The following ARAP2 variants were observed in gnomAD, a reference collection of about 807,000 sequenced individuals.
The protein encoded by ARAP2 is arf-GAP with Rho-GAP domain, ANK repeat and PH domain-containing protein 2.
ARAP2 carries 148 observed loss-of-function variants against 194.5 expected under a neutral mutation model. The ratio of observed to expected loss-of-function variants is 0.76; its 90% CI spans 0.67 to 0.87. ARAP2 has a LOEUF of 0.87. Among genes scored for constraint, ARAP2 ranks in the 40% least tolerant of loss-of-function variants. The pLI is 0.00. For missense variants in ARAP2, 2,128 were observed against 1,989.7 expected (o/e 1.07, Z -1.32); for synonymous variants, 695 against 683.5 (o/e 1.02, Z -0.26).
At chr4:36,242,807 A>G (rs1753779085) in intron 1 of ARAP2, among the ~76,000 whole-genome samples, 1 of 152,160 alleles carries the variant, frequency 6.6e-6, no homozygotes, top group Non-Finnish European at 1.5e-5. Flanking sequence ...CACCCATATA[A>G]ATACGTTTTA....
At chr4:36,063,559 C>T (rs113467021), downstream of ARAP2, among the ~76,000 whole-genome samples, 10 of 152,138 alleles carry the variant, frequency 6.6e-5, no homozygotes, top group Non-Finnish European at 1.3e-4. Flanking sequence ...CAAATTTCTG[C>T]GGTTGTGGCG....
intron 6 of ARAP2, among the ~76,000 whole-genome samples, chr4:36,198,769 C>A (rs1430629700): frequency 6.6e-6 from 1 of 152,192 alleles, no homozygotes; most frequent in Non-Finnish European, 1.5e-5. Flanking sequence ...CATCTTTGAG[C>A]TTTCGTAGGT....
downstream of ARAP2, chr4:36,065,354 G>A (rs942549533): frequency 2.3e-5 from 12 of 520,814 alleles, no homozygotes; most frequent in Admixed American, 2.4e-4. Context: ...TCTCAAAGTA[G>A]GCCAGGCCCT....
Position 36,187,447 on chromosome 4 carries a change from T to C in ARAP2, c.1678+4A>G. 1 of 1,385,512 alleles carries C rather than the reference T, an allele frequency of 7.2e-7. No individual in the cohort carries two copies. The highest frequency in any genetic ancestry group is 9.8e-7 in the Non-Finnish European group (1 of 1,023,350). The allele number at this position is 1,385,512 out of a possible 1,614,324, so 85.8% of individuals were successfully genotyped here. On this transcript the variant is annotated splice_donor_region_variant and intron_variant, in intron 8 of 32. Coordinates refer to ENST00000303965, the MANE Select transcript of ARAP2 (RefSeq NM_015230.4). The stretch of plus-strand genomic sequence containing the variant: ...ATTTCATATGGATAAATAAATAATC[T>C]CACCTTCTTTTTCTACTCTAAAAAC...
intron 5 of ARAP2, among the ~76,000 whole-genome samples, chr4:36,042,270 A>G (rs1483824170): frequency 6.6e-6 from 1 of 152,220 alleles, no homozygotes; most frequent in Admixed American, 6.5e-5. Context: ...TTTCACATGC[A>G]CATTAATTAT....
intron 28 of ARAP2, among the ~76,000 whole-genome samples, chr4:36,088,521 A>T (rs532673477): frequency 6.6e-6 from 1 of 152,124 alleles, no homozygotes; most frequent in Admixed American, 6.6e-5. Context: ...ACCCACACAG[A>T]CTCCCTTCTG....
At chr4:36,092,182 C>G (rs569277661) in intron 27 of ARAP2, among the ~76,000 whole-genome samples, 162 bp from the exon 28 acceptor site, 5 of 152,152 alleles carry the variant, frequency 3.3e-5, no homozygotes, top group Admixed American at 6.6e-5. Flanking sequence ...TGAAGTATAG[C>G]TATTTATCAT....
Position 36,217,084 on chromosome 4 carries a change from CAG to C in ARAP2, c.906-2606_906-2605del, listed in dbSNP as rs761762489. On this transcript the variant is annotated intron_variant, in intron 2 of 32. Transcript: ENST00000303965. The stretch of plus-strand genomic sequence containing the variant: ...GAAACTAAGAAACTCTTAGAAGTAA[CAG>C]AACTGCTCTGTTTATTGTTTGTGGT... Among the ~76,000 whole-genome samples the C allele has an allele frequency of 2.3e-3, 351 of 152,298 alleles. 3 individuals are homozygous for C. Among genetic ancestry groups the C allele is most frequent in the Admixed American group, 7.1e-3 (109 of 15,296 alleles).
At chr4:36,193,534 T>C (rs376087886) in intron 7 of ARAP2, 44 bp downstream of exon 7, 7 of 1,320,826 alleles carry the variant, frequency 5.3e-6, no homozygotes, top group Non-Finnish European at 7.3e-6. Context: ...TTACTCTTCG[T>C]ATGCATAAAA....
At chr4:36,046,554 G>A (rs1295554396) in intron 4 of ARAP2, among the ~76,000 whole-genome samples, 1 of 152,024 alleles carries the variant, frequency 6.6e-6, no homozygotes, top group Non-Finnish European at 1.5e-5. Context: ...TTCCTATATG[G>A]ATGTTAAAAA....
chr4:36,218,851 A>C (rs1748558966), intron 2 of ARAP2, among the ~76,000 whole-genome samples: 1 of 152,218 alleles, frequency 6.6e-6, no homozygotes, highest in Admixed American at 6.5e-5. Flanking sequence ...TCTTAAGAAT[A>C]AATAACACTT....
At position 36,161,517 on chromosome 4, in the gene ARAP2, T is replaced by G. The variant is rs185320468; in HGVS notation, c.2207A>C (p.Lys736Thr). Residue 736 changes from lysine to threonine, a missense_variant, in exon 12 of 33, where the codon AAG (lysine) becomes ACG (threonine). Transcript: ENST00000303965. ...AGCATCCATTTTTAGACTTCTAACC[T>G]TGGAATCTTTTGGTCCTAAAGATCT... ...QHRSLGPKDS[K>T]VRSLKMDASI... The G allele has an allele frequency of 6.2e-7, 1 of 1,614,030 alleles. No homozygotes were observed. The highest frequency in any genetic ancestry group is 1.3e-5 in the African/African-American group (1 of 75,038).
At chr4:36,050,387 G>T (rs1056109252) in intron 3 of ARAP2, among the ~76,000 whole-genome samples, 3 of 152,002 alleles carry the variant, frequency 2.0e-5, no homozygotes, top group Admixed American at 6.5e-5. Context: ...GCAGTTTTTT[G>T]GAATTCTCTC....
chr4:36,038,523 C>T (rs1046452933), intron 5 of ARAP2, among the ~76,000 whole-genome samples: 2 of 152,190 alleles, frequency 1.3e-5, no homozygotes, highest in African/African-American at 4.8e-5. Context: ...TTCCGTGACT[C>T]AGGCAACAGT....
chr4:36,128,551 A>G lies in ARAP2; in HGVS notation c.3622T>C (p.Tyr1208His). The G allele has an allele frequency of 1.2e-6, 2 of 1,612,536 alleles. No homozygotes were observed. The highest frequency in any genetic ancestry group is 1.7e-6 in the Non-Finnish European group (2 of 1,179,228). ...ATATTACCTAAAGCAGAGATCCAAT[A>G]TGGGTAGAGCTCCTTAGTAAGCAGT... The part of the protein sequence containing the change: ...DALLTKELYP[Y>H]WISALDTQDD... Residue 1208 changes from tyrosine (Y) to histidine (H), a missense_variant, in exon 21 of 33, where the codon TAT becomes CAT. Tyr to His is a moderately conservative substitution (Grantham distance 83). Transcript: ENST00000303965.
At chr4:36,235,513 A>G (rs1215230019) in intron 1 of ARAP2, among the ~76,000 whole-genome samples, 2 of 152,182 alleles carry the variant, frequency 1.3e-5, no homozygotes, top group Non-Finnish European at 1.5e-5. Context: ...AATCTATGCT[A>G]TACAAGCATG....
intron 10 of ARAP2, 102 bp from the exon 11 acceptor site, chr4:36,165,215 G>T: frequency 8.9e-7 from 1 of 1,129,426 alleles, no homozygotes; most frequent in Non-Finnish European, 1.3e-6. Flanking sequence ...TTAAACAACA[G>T]CTGAAAAATA....
At chr4:36,037,685 A>C (rs1720167141) in intron 5 of ARAP2, among the ~76,000 whole-genome samples, 1 of 152,090 alleles carries the variant, frequency 6.6e-6, no homozygotes, top group Non-Finnish European at 1.5e-5. Context: ...GGCTGGTATC[A>C]TTGGTTGCCT....
upstream of ARAP2, among the ~76,000 whole-genome samples, chr4:36,244,689 G>A (rs1754343346): frequency 2.0e-5 from 3 of 152,096 alleles, no homozygotes; most frequent in Admixed American, 1.3e-4. Flanking sequence ...GCCCGGAGGC[G>A]TCAGACCCCG....
Sources: allele counts gnomAD v4.1 joint callset (sites outside exome capture counted in the v4.1 genomes callset), GRCh38; gene constraint gnomAD v4.1.1; transcripts MANE v1.5; gene names NCBI Gene and HGNC (gene_info 2026-07-23, HGNC 2026-07-21).